Variants in COG7 observed in about 807,000 individuals in gnomAD.
COG7 encodes the protein conserved oligomeric Golgi complex subunit 7.
A neutral mutation model predicts 91.5 loss-of-function variants in COG7; 49 were observed. The observed-to-expected ratio is 0.54, with a 90% confidence interval of 0.43 to 0.68. The LOEUF is 0.68. Among genes scored for constraint, COG7 ranks in the 30% least tolerant of loss-of-function variants. COG7 has a pLI of 0.00. For missense variants in COG7, 895 were observed against 961.3 expected, an observed-to-expected ratio of 0.93 and a Z score of 0.91; for synonymous variants, 365 against 388.7, an observed-to-expected ratio of 0.94 and a Z score of 0.72.
chr16:23,391,710 T>A (rs250584), intron 16 of COG7: 57,211 of 157,354 alleles, frequency 0.36, 14,431 homozygotes, highest in African/African-American at 0.73. Flanking sequence ...AGACAAGGTA[T>A]TGGAATGGCA....
chr16:23,447,650 C>A (rs1164945266), intron 1 of COG7, among the ~76,000 whole-genome samples: 1 of 151,800 alleles, frequency 6.6e-6, no homozygotes, highest in Non-Finnish European at 1.5e-5. Context: ...GCCTGTAATC[C>A]CAGCACTTTG....
intron 1 of COG7, among the ~76,000 whole-genome samples, chr16:23,448,713 G>A (rs1295529537): frequency 6.6e-6 from 1 of 152,082 alleles, no homozygotes; most frequent in African/African-American, 2.4e-5. Flanking sequence ...TAATACCAAG[G>A]AAGTAGTGAA....
At chr16:23,418,452 T>G (rs1283627090) in intron 8 of COG7, among the ~76,000 whole-genome samples, 2 of 151,980 alleles carry the variant, frequency 1.3e-5, no homozygotes, top group Non-Finnish European at 2.9e-5. Flanking sequence ...CTGCAGTGAG[T>G]TGTAATCAAT....
rs779404733 is a variant in COG7, at chr16:23,416,438, G to A, written c.1292+529C>T. 28 of 182,398 alleles carry A rather than the reference G, an allele frequency of 1.5e-4. No homozygotes were observed. In the East Asian group the frequency reaches 1.9e-3, roughly 12 times the overall value. The allele number at this position is 182,398 out of a possible 1,614,324, so 11.3% of individuals were successfully genotyped here. On this transcript the variant is annotated intron_variant, in intron 9 of 16. Transcript: ENST00000307149. Reference sequence around the variant, plus strand: ...CTGCCCTGGGAGGTGCTGGATGCCCGATGGCAATGCCAGGGAGCTCTGGGT... The same window carrying A: ...CTGCCCTGGGAGGTGCTGGATGCCCAATGGCAATGCCAGGGAGCTCTGGGT...
intron 6 of COG7, among the ~76,000 whole-genome samples, chr16:23,426,818 C>CAAAAAAAAAAAAAAAA (rs1176659874): frequency 1.0e-4 from 6 of 60,218 alleles, no homozygotes; most frequent in East Asian, 4.6e-4. Context: ...AGCAATTGGA[C>CAAAAAAAAAAAAAAAA]AAAAAAAAAA....
intron 13 of COG7, among the ~76,000 whole-genome samples, chr16:23,403,031 T>C (rs531008307): frequency 7.4e-4 from 112 of 152,334 alleles, no homozygotes; most frequent in African/African-American, 2.6e-3. Flanking sequence ...GTCAGTAAGA[T>C]ACATTAACCA....
At chr16:23,407,273 C>T (rs1299979183) in intron 11 of COG7, among the ~76,000 whole-genome samples, 1 of 152,184 alleles carries the variant, frequency 6.6e-6, no homozygotes, top group Non-Finnish European at 1.5e-5. Context: ...TTGCTTGAGC[C>T]AACCAGTAAC....
chr16:23,441,637 T>C (rs1964103251), intron 4 of COG7, among the ~76,000 whole-genome samples: 1 of 152,148 alleles, frequency 6.6e-6, no homozygotes, highest in Non-Finnish European at 1.5e-5. Flanking sequence ...TGGGCTTTTG[T>C]GCCACAACTG....
chr16:23,445,954 A>C lies in COG7; in HGVS notation c.177T>G (p.Ser59Arg), dbSNP rs899529052. 5.6e-6 allele frequency: 9 copies of C among 1,603,446 alleles called. No individual in the cohort carries two copies. The highest frequency in any genetic ancestry group is 7.7e-6 in the Non-Finnish European group (9 of 1,173,918). The part of the protein sequence containing the change: ...QEVNHAVEET[S>R]HQALQNMPKV... ...TGGGCATGTTCTGGAGAGCTTGGTG[A>C]CTTGTTTCTGTAGTTAAAAAAAAAA... The change falls in exon 2 of 17, where the codon AGT (serine) becomes AGG (arginine). Residue 59 changes from serine to arginine, a missense_variant. Coordinates refer to ENST00000307149, the MANE Select transcript of COG7 (RefSeq NM_153603.4).
At chr16:23,422,132 A>C (rs1463637567) in intron 7 of COG7, among the ~76,000 whole-genome samples, 1 of 152,038 alleles carries the variant, frequency 6.6e-6, no homozygotes, top group African/African-American at 2.4e-5. Context: ...CAAAATAGGA[A>C]GACCCTGTCT....
At chr16:23,413,323 T>C in intron 10 of COG7, 125 bp downstream of exon 10, 1 of 754,704 alleles carries the variant, frequency 1.3e-6, no homozygotes, top group Admixed American at 1.8e-5. Context: ...ATTTGCTTTT[T>C]AAAAAGGCAG....
At chr16:23,426,240 G>A (rs1288999264) in intron 6 of COG7, among the ~76,000 whole-genome samples, 1 of 152,088 alleles carries the variant, frequency 6.6e-6, no homozygotes, top group Non-Finnish European at 1.5e-5. Context: ...AAAGAAAAGA[G>A]AAGAACTGTA....
intron 7 of COG7, among the ~76,000 whole-genome samples, chr16:23,420,189 A>G (rs1963731684): frequency 6.6e-6 from 1 of 152,198 alleles, no homozygotes. Context: ...TCCTACGTTC[A>G]ACCACATAAA....
intron 11 of COG7, among the ~76,000 whole-genome samples, 199 bp from the exon 12 acceptor site, chr16:23,406,461 C>A (rs1053200178): frequency 1.3e-5 from 2 of 152,126 alleles, no homozygotes; most frequent in Non-Finnish European, 2.9e-5. Flanking sequence ...ATAAAAAAAA[C>A]CCAGTGTTTT....
chr16:23,442,448 C>T lies in COG7; in HGVS notation c.604+29G>A, dbSNP rs759945501. 67 of 1,606,666 alleles carry T rather than the reference C, an allele frequency of 4.2e-5. No homozygotes were observed. In the South Asian group the frequency reaches 6.7e-4, roughly 16 times the overall value. ...GGCCTTATCTTTATAGAGAGATATA[C>T]ACAGAGATGAGAAGCAGCTAGCACT... is the stretch of plus-strand genomic sequence containing the variant. On this transcript the variant is annotated intron_variant, in intron 4 of 16. Transcript: ENST00000307149.
chr16:23,418,661 G>C (rs1340632514), intron 8 of COG7, 39 bp downstream of exon 8: 2 of 1,609,348 alleles, frequency 1.2e-6, no homozygotes, highest in African/African-American at 2.7e-5. Flanking sequence ...CTGGCTAACA[G>C]AATGCTTCCT....
chr16:23,399,664 G>A (rs1963343096), intron 13 of COG7, among the ~76,000 whole-genome samples: 1 of 151,988 alleles, frequency 6.6e-6, no homozygotes. Context: ...AGAGCTCAGG[G>A]CGATTAGAGA....
chr16:23,450,879 CT>C (rs1181235799), intron 1 of COG7, among the ~76,000 whole-genome samples: 1 of 151,892 alleles, frequency 6.6e-6, no homozygotes, highest in Non-Finnish European at 1.5e-5. Flanking sequence ...ATAGAGCCCC[CT>C]CCCTACCTTT....
At chr16:23,449,431 A>G (rs924645930) in intron 1 of COG7, among the ~76,000 whole-genome samples, 2 of 135,258 alleles carry the variant, frequency 1.5e-5, no homozygotes, top group Non-Finnish European at 3.2e-5. Context: ...TAAAATAAAA[A>G]ATAAATAAAA....
Sources: gnomAD v4.1 joint callset for allele counts (sites outside exome capture counted in the v4.1 genomes callset) on GRCh38, gnomAD v4.1.1 for gene constraint, MANE v1.5 for transcripts, NCBI Gene and HGNC (gene_info 2026-07-23, HGNC 2026-07-21) for gene names.